Variants in STAC observed in about 807,000 individuals in gnomAD.
The protein encoded by STAC is SH3 and cysteine-rich domain-containing protein.
A neutral mutation model predicts 48.8 loss-of-function variants in STAC; 43 were observed. That is an observed-to-expected ratio of 0.88 (90% CI 0.69 to 1.14). The LOEUF is 1.14. STAC is among the 50% of genes most tolerant of loss of function. The probability of loss-of-function intolerance (pLI) is 0.00; values close to 1 mark genes in which losing one functional copy is unlikely to be tolerated. For missense variants in STAC, 497 were observed against 504.0 expected (o/e 0.99, Z 0.13); for synonymous variants, 193 against 179.5 (o/e 1.07, Z -0.60).
intron 10 of STAC, among the ~76,000 whole-genome samples, chr3:36,541,075 T>G (rs558035564): frequency 6.6e-6 from 1 of 152,152 alleles, no homozygotes; most frequent in Non-Finnish European, 1.5e-5. Context: ...ATCCTTGAAA[T>G]GATAGCTACG....
At position 36,475,586 on chromosome 3, in the gene STAC, G is replaced by T. The variant is rs184272114; in HGVS notation, c.389-7406G>T. Reference sequence around the variant, plus strand: ...GTAAAAGCAGTAACAGAAATCTGAAGCATCTGTCAGGATAACTAAGCATTC... The same window carrying T: ...GTAAAAGCAGTAACAGAAATCTGAATCATCTGTCAGGATAACTAAGCATTC... On this transcript the variant is annotated intron_variant, in intron 2 of 10. Coordinates refer to ENST00000273183, the MANE Select transcript of STAC (RefSeq NM_003149.3). Among the ~76,000 whole-genome samples the T allele has an allele frequency of 4.7e-4, 72 of 152,354 alleles. 1 individual carries two copies. Among genetic ancestry groups the T allele is most frequent in the Middle Eastern group, 6.8e-3 (2 of 294 alleles).
chr3:36,410,312 T>C (rs1170847439), intron 1 of STAC, among the ~76,000 whole-genome samples: 1 of 152,234 alleles, frequency 6.6e-6, no homozygotes, highest in Non-Finnish European at 1.5e-5. Context: ...TGTGTGTCTA[T>C]ATCCCATGCT....
At chr3:36,393,409 T>TA (rs532186723) in intron 1 of STAC, among the ~76,000 whole-genome samples, 277 of 151,742 alleles carry the variant, frequency 1.8e-3, no homozygotes, top group African/African-American at 3.3e-3. Context: ...ATAAACAAGG[T>TA]AAAAAAAATG....
intron 10 of STAC, among the ~76,000 whole-genome samples, chr3:36,545,108 G>C (rs970815254): frequency 6.6e-6 from 1 of 152,136 alleles, no homozygotes; most frequent in Non-Finnish European, 1.5e-5. Context: ...TGCTATGTTG[G>C]CCACGAACAA....
intron 1 of STAC, among the ~76,000 whole-genome samples, chr3:36,388,756 C>T (rs1026739881): frequency 5.3e-5 from 8 of 151,998 alleles, no homozygotes; most frequent in East Asian, 1.9e-4. Flanking sequence ...TGAAATTTTA[C>T]GTTTTTTATG....
At chr3:36,463,118 T>C (rs1249063312) in intron 2 of STAC, among the ~76,000 whole-genome samples, 1 of 152,178 alleles carries the variant, frequency 6.6e-6, no homozygotes, top group East Asian at 1.9e-4. Flanking sequence ...ATCTGTAGTT[T>C]CTCTTCTTTG....
chr3:36,439,680 A>G (rs935336077), intron 1 of STAC, among the ~76,000 whole-genome samples: 1 of 152,138 alleles, frequency 6.6e-6, no homozygotes, highest in Admixed American at 6.5e-5. Context: ...GCATCAGTCC[A>G]GTTTATAGCC....
intron 8 of STAC, among the ~76,000 whole-genome samples, chr3:36,522,016 A>T (rs1191105511): frequency 6.6e-6 from 1 of 152,148 alleles, no homozygotes; most frequent in Admixed American, 6.5e-5. Context: ...CAAGCCCAGG[A>T]GGTAGAGGCT....
intron 2 of STAC, among the ~76,000 whole-genome samples, chr3:36,478,987 C>T (rs1179085020): frequency 1.3e-5 from 2 of 152,192 alleles, no homozygotes; most frequent in East Asian, 3.9e-4. Context: ...TCTTTTGACG[C>T]TCCAGTGTAC....
chr3:36,508,868 C>A (rs2125715848), intron 8 of STAC, among the ~76,000 whole-genome samples: 1 of 152,230 alleles, frequency 6.6e-6, no homozygotes, highest in African/African-American at 2.4e-5. Flanking sequence ...GACTCTTTAT[C>A]CAATTTGCCA....
In STAC at chr3:36,539,322, A is replaced by G. The variant is rs149468953; in HGVS notation, c.1111-6869A>G. Among the ~76,000 whole-genome samples, 386 of 152,084 alleles carry G rather than the reference A, an allele frequency of 2.5e-3. 5 individuals carry two copies. Among genetic ancestry groups the G allele is most frequent in the Admixed American group, 0.019 (294 of 15,262 alleles). Reference sequence around the variant, plus strand: ...CACCTAGGTATTAAGCCTAGCACCCATTAGTTATTTTTTCTGATCCCCTCC... The same window carrying G: ...CACCTAGGTATTAAGCCTAGCACCCGTTAGTTATTTTTTCTGATCCCCTCC... On this transcript the variant is annotated intron_variant, in intron 10 of 10. Coordinates refer to ENST00000273183, the MANE Select transcript of STAC (RefSeq NM_003149.3).
chr3:36,453,158 G>C (rs571261368), intron 2 of STAC, among the ~76,000 whole-genome samples: 101 of 152,228 alleles, frequency 6.6e-4, no homozygotes, highest in Admixed American at 7.8e-4. Context: ...TTCTTACTAT[G>C]CATATGAGAG....
rs3061956 is a variant in STAC, at chr3:36,395,026, G to GAT, written c.111+14289_111+14290dup. Among the ~76,000 whole-genome samples the GAT allele has an allele frequency of 1.7e-3, 250 of 148,208 alleles. 1 individual carries two copies. The highest frequency in any genetic ancestry group is 3.0e-3 in the South Asian group (14 of 4,678). ...TAATAGGAGAATCAAAAGATATATA[G>GAT]ATATATATATATATATATCAAAATA... is the stretch of plus-strand genomic sequence containing the variant. On this transcript the variant is annotated intron_variant, in intron 1 of 10. Coordinates refer to ENST00000273183, the MANE Select transcript of STAC (RefSeq NM_003149.3).
At chr3:36,530,450 A>G (rs543341158) in intron 10 of STAC, among the ~76,000 whole-genome samples, 83 of 152,322 alleles carry the variant, frequency 5.4e-4, no homozygotes, top group African/African-American at 1.9e-3. Flanking sequence ...TTAAAATTAT[A>G]GCTATTTGTA....
intron 8 of STAC, among the ~76,000 whole-genome samples, chr3:36,508,171 T>G (rs936964352): frequency 1.3e-5 from 2 of 152,204 alleles, no homozygotes; most frequent in Admixed American, 1.3e-4. Context: ...CTTAATGTCA[T>G]TATTTAGCTG....
intron 8 of STAC, among the ~76,000 whole-genome samples, chr3:36,524,472 T>G (rs1191837643): frequency 6.6e-6 from 1 of 151,838 alleles, no homozygotes; most frequent in Non-Finnish European, 1.5e-5. Flanking sequence ...GGCGCCTTTC[T>G]TCCCAGCTAC....
intron 8 of STAC, among the ~76,000 whole-genome samples, chr3:36,521,535 G>A (rs1471292336): frequency 1.3e-5 from 2 of 152,116 alleles, no homozygotes; most frequent in Non-Finnish European, 2.9e-5. Context: ...GTCACTACGT[G>A]GAGTGGACAA....
chr3:36,534,424 A>C (rs557975430), intron 10 of STAC, among the ~76,000 whole-genome samples: 1 of 152,314 alleles, frequency 6.6e-6, no homozygotes, highest in Admixed American at 6.5e-5. Context: ...GCACCAGAAA[A>C]TAGCCAATAT....
At chr3:36,390,175 C>T (rs1575169745) in intron 1 of STAC, among the ~76,000 whole-genome samples, 1 of 152,176 alleles carries the variant, frequency 6.6e-6, no homozygotes, top group East Asian at 1.9e-4. Context: ...CTCTAGAAGC[C>T]ACCAAAAGTA....
Sources: allele counts gnomAD v4.1 joint callset (sites outside exome capture counted in the v4.1 genomes callset), GRCh38; gene constraint gnomAD v4.1.1; transcripts MANE v1.5; gene names NCBI Gene and HGNC (gene_info 2026-07-23, HGNC 2026-07-21).